ST6GALNAC5: variants seen among roughly 807,000 people sequenced by gnomAD.
The protein encoded by ST6GALNAC5 is ST6 N-acetylgalactosaminide alpha-2,6-sialyltransferase 5.
ST6GALNAC5 carries 27 observed loss-of-function variants against 33.6 expected under a neutral mutation model. That is an observed-to-expected ratio of 0.80 (90% confidence interval 0.59 to 1.11). The LOEUF (loss-of-function observed/expected upper bound fraction) is 1.11, where lower values mean the gene tolerates loss of function less well. ST6GALNAC5 is among the 50% of genes least tolerant of loss of function. ST6GALNAC5 has a pLI of 0.00. For synonymous variants in ST6GALNAC5, 194 were observed against 171.2 expected (o/e 1.13, Z -1.04); for missense variants, 428 against 454.0 (o/e 0.94, Z 0.52).
At chr1:76,914,125 C>T (rs991653637) in intron 2 of ST6GALNAC5, among the ~76,000 whole-genome samples, 10 of 152,142 alleles carry the variant, frequency 6.6e-5, no homozygotes, top group African/African-American at 2.4e-4. Flanking sequence ...AGGAATCCAA[C>T]TTACAAGGGA....
chr1:76,894,503 C>T (rs1654082765), intron 2 of ST6GALNAC5, among the ~76,000 whole-genome samples: 1 of 152,088 alleles, frequency 6.6e-6, no homozygotes, highest in South Asian at 2.1e-4. Context: ...GCAAGGAACC[C>T]TTGTATCCAG....
chr1:76,987,662 C>T (rs182063092), intron 2 of ST6GALNAC5, among the ~76,000 whole-genome samples: 2 of 152,210 alleles, frequency 1.3e-5, no homozygotes, highest in African/African-American at 4.8e-5. Context: ...GCACCAGACA[C>T]AACAGCCCAA....
At chr1:77,014,250 CACTT>C (rs1650743163) in intron 2 of ST6GALNAC5, among the ~76,000 whole-genome samples, 2 of 152,172 alleles carry the variant, frequency 1.3e-5, no homozygotes, top group Admixed American at 1.3e-4. Context: ...CATTATGCAT[CACTT>C]ACTTCCACAT....
At chr1:77,005,311 G>T in intron 2 of ST6GALNAC5, among the ~76,000 whole-genome samples, 2 of 152,294 alleles carry the variant, frequency 1.3e-5, no homozygotes, top group East Asian at 1.9e-4. Context: ...TGACCCTTGC[G>T]CTTCCCAAGT....
chr1:76,917,544 T>A lies in ST6GALNAC5; in HGVS notation c.261+48802T>A, dbSNP rs551806336. On this transcript the variant is annotated intron_variant, in intron 2 of 4. Transcript: ENST00000477717. ...AATGAGGTTATAAATAATTTAAAAT[T>A]TTGATGTCTTGTTTTTCTTTAATAG... Among the ~76,000 whole-genome samples the A allele has an allele frequency of 3.3e-5, 5 of 152,160 alleles. No homozygotes were observed. The East Asian group carries it at 7.7e-4, about 23-fold the overall frequency.
At chr1:76,936,326 A>G (rs1647203076) in intron 2 of ST6GALNAC5, among the ~76,000 whole-genome samples, 1 of 152,076 alleles carries the variant, frequency 6.6e-6, no homozygotes, top group South Asian at 2.1e-4. Context: ...GTTCCCACCT[A>G]TGATTTTCTT....
intron 2 of ST6GALNAC5, among the ~76,000 whole-genome samples, chr1:76,929,225 T>TA (rs1448542332): frequency 1.3e-5 from 2 of 151,612 alleles, no homozygotes; most frequent in Non-Finnish European, 1.5e-5. Flanking sequence ...CCCCTCATAT[T>TA]AAAAAAAAGT....
At chr1:76,941,415 A>G (rs1027372431) in intron 2 of ST6GALNAC5, among the ~76,000 whole-genome samples, 2 of 152,030 alleles carry the variant, frequency 1.3e-5, no homozygotes, top group Admixed American at 6.6e-5. Flanking sequence ...AACCCCACAA[A>G]TTGAATTAAG....
At chr1:77,041,529 T>A (rs1054332216) in intron 2 of ST6GALNAC5, among the ~76,000 whole-genome samples, 1 of 152,188 alleles carries the variant, frequency 6.6e-6, no homozygotes, top group African/African-American at 2.4e-5. Context: ...TCCCTCTTCA[T>A]CATTTATGTA....
intron 2 of ST6GALNAC5, among the ~76,000 whole-genome samples, chr1:76,949,843 C>G (rs947374206): frequency 2.6e-5 from 4 of 152,128 alleles, no homozygotes; most frequent in African/African-American, 7.2e-5. Flanking sequence ...AGGCAATAAC[C>G]CTTTTTTAGT....
At chr1:76,912,747 C>A (rs1320292270) in intron 2 of ST6GALNAC5, among the ~76,000 whole-genome samples, 1 of 151,914 alleles carries the variant, frequency 6.6e-6, no homozygotes, top group Non-Finnish European at 1.5e-5. Context: ...GGATTGCAAC[C>A]CCTGCCTTTT....
At position 76,910,842 on chromosome 1, in the gene ST6GALNAC5, A is replaced by G. The variant is rs541809760; in HGVS notation, c.261+42100A>G. On this transcript the variant is annotated intron_variant, in intron 2 of 4. Coordinates refer to ENST00000477717, the MANE Select transcript of ST6GALNAC5 (RefSeq NM_030965.3). Reference sequence around the variant, plus strand: ...TATAAAATTCTGCTCCTCTGACTATACATTAGGTAAATGGTATATTTAAAT... The same window carrying G: ...TATAAAATTCTGCTCCTCTGACTATGCATTAGGTAAATGGTATATTTAAAT... 2.0e-5 allele frequency among the ~76,000 whole-genome samples: 3 copies of G among 152,038 alleles called. No homozygotes were observed. The East Asian group carries it at 5.8e-4, about 29-fold the overall frequency.
intron 2 of ST6GALNAC5, among the ~76,000 whole-genome samples, chr1:76,993,513 G>A (rs1055463954): frequency 1.5e-4 from 23 of 152,174 alleles, no homozygotes; most frequent in Admixed American, 1.4e-3. Context: ...GAAATATGGA[G>A]TATTGCAGCA....
At chr1:76,939,754 G>C (rs79909725) in intron 2 of ST6GALNAC5, among the ~76,000 whole-genome samples, 1,944 of 152,170 alleles carry the variant, frequency 0.013, 42 homozygotes, top group African/African-American at 0.044. Flanking sequence ...CACCTGCCGT[G>C]TGCCAGGCAC....
chr1:77,010,368 A>C (rs2100422855), intron 2 of ST6GALNAC5, among the ~76,000 whole-genome samples: 1 of 152,190 alleles, frequency 6.6e-6, no homozygotes, highest in South Asian at 2.1e-4. Flanking sequence ...GATGGCACAC[A>C]CTTGTAATCT....
Position 76,867,636 on chromosome 1 carries a change from C to A in ST6GALNAC5, c.-40C>A, listed in dbSNP as rs1054280358. On this transcript the variant is annotated 5_prime_UTR_variant, in exon 1 of 5. Coordinates refer to ENST00000477717, the MANE Select transcript of ST6GALNAC5 (RefSeq NM_030965.3). ...CCCTCCAGGAAAAAGTGGCCCCGGA[C>A]GCGCGAGCCTGAGGATTCTGCACAA... The A allele has an allele frequency of 4.3e-6, 7 of 1,613,942 alleles. No individual in the cohort carries two copies. In the African/African-American group the frequency reaches 9.3e-5, roughly 22 times the overall value.
chr1:77,028,949 TGCATTTCAGA>T (rs1651348390), intron 2 of ST6GALNAC5, among the ~76,000 whole-genome samples: 1 of 152,098 alleles, frequency 6.6e-6, no homozygotes, highest in African/African-American at 2.4e-5. Flanking sequence ...CAGCTGGGAG[TGCATTTCAGA>T]TGAAGGCTAT....
intron 2 of ST6GALNAC5, among the ~76,000 whole-genome samples, chr1:76,940,922 G>C (rs567251660): frequency 1.3e-5 from 2 of 152,102 alleles, no homozygotes; most frequent in South Asian, 4.2e-4. Context: ...GTCATAACTG[G>C]TTTCTTTAGA....
chr1:77,052,762 T>C (rs1431078637), intron 4 of ST6GALNAC5, among the ~76,000 whole-genome samples: 1 of 150,742 alleles, frequency 6.6e-6, no homozygotes, highest in Admixed American at 6.6e-5. Context: ...CTACAAAAAA[T>C]ACAAAAATTA....
Sources: allele counts gnomAD v4.1 joint callset (sites outside exome capture counted in the v4.1 genomes callset), GRCh38; gene constraint gnomAD v4.1.1; transcripts MANE v1.5; gene names NCBI Gene and HGNC (gene_info 2026-07-23, HGNC 2026-07-21).